The following LIPI variants were observed in gnomAD, a reference collection of about 807,000 sequenced individuals.
The protein encoded by LIPI is lipase I.
Under a neutral mutation model 50.6 loss-of-function variants are expected in LIPI, and 59 were observed. That is an observed-to-expected ratio of 1.16 (90% CI 0.94 to 1.45). The LOEUF is 1.45. Ranked by LOEUF, LIPI falls within the 40% of genes most tolerant of loss-of-function variation. The pLI is 0.00. For missense variants in LIPI, 586 were observed against 536.3 expected, an observed-to-expected ratio of 1.09 and a Z score of -0.92; for synonymous variants, 203 against 178.2, an observed-to-expected ratio of 1.14 and a Z score of -1.11.
chr21:14,166,331 T>G (rs1405511705), intron 5 of LIPI, 31 bp downstream of exon 5: 1 of 1,117,484 alleles, frequency 8.9e-7, no homozygotes, highest in Non-Finnish European at 1.4e-6. Flanking sequence ...TCGAATATTA[T>G]GTAGTTCATT....
At chr21:14,133,433 C>T (rs143856061) in intron 9 of LIPI, among the ~76,000 whole-genome samples, 19 of 152,128 alleles carry the variant, frequency 1.2e-4, no homozygotes, top group East Asian at 3.9e-4. Context: ...CATCTTTTCA[C>T]GAGAAAAATT....
At chr21:14,119,124 T>A (rs1432468194) in intron 9 of LIPI, among the ~76,000 whole-genome samples, 1 of 152,176 alleles carries the variant, frequency 6.6e-6, no homozygotes, top group Admixed American at 6.5e-5. Context: ...ATTTTTGCCT[T>A]TGATTGGGCC....
At chr21:14,143,308 T>C (rs928378592) in intron 9 of LIPI, among the ~76,000 whole-genome samples, 2 of 152,170 alleles carry the variant, frequency 1.3e-5, no homozygotes, top group Non-Finnish European at 1.5e-5. Flanking sequence ...TCAGATATTT[T>C]GGCATTTTCA....
chr21:14,181,298 A>G (rs2019260052), intron 4 of LIPI, among the ~76,000 whole-genome samples: 1 of 152,176 alleles, frequency 6.6e-6, no homozygotes. Flanking sequence ...AAAACAATAG[A>G]AAGATTATTT....
At chr21:14,185,337 C>CATTT (rs1194704841) in intron 3 of LIPI, among the ~76,000 whole-genome samples, 1 of 139,298 alleles carries the variant, frequency 7.2e-6, no homozygotes, top group Non-Finnish European at 1.6e-5. Context: ...TTAGCTAATA[C>CATTT]ATAAAGTATT....
rs35760637 is a variant in LIPI at position 14,196,126 on chromosome 21, G to GTTT, written c.47-6710_47-6708dup. 3.8e-3 allele frequency among the ~76,000 whole-genome samples: 516 copies of GTTT among 136,640 alleles called. 6 individuals are homozygous for GTTT. The highest frequency in any genetic ancestry group is 0.013 in the African/African-American group (497 of 36,984). The allele number at this position is 136,640 out of a possible 152,430, so 89.6% of individuals were successfully genotyped here. A position where few individuals can be genotyped will look rare whatever the true frequency, so the allele number is the denominator to read the frequency against. ...CTTACCACATTTACGAGTTCGTAGC[G>GTTT]TTTTTTTTTTTTACATGACACCAAA... On this transcript the variant is annotated intron_variant, in intron 1 of 9. Coordinates refer to ENST00000681601, the MANE Select transcript of LIPI (RefSeq NM_001302998.2).
chr21:14,128,141 G>A (rs997265812), intron 9 of LIPI, among the ~76,000 whole-genome samples: 2 of 151,986 alleles, frequency 1.3e-5, no homozygotes, highest in Non-Finnish European at 2.9e-5. Context: ...CACAGACACT[G>A]TGTCATATAA....
chr21:14,150,173 C>T (rs2018040388), intron 8 of LIPI, among the ~76,000 whole-genome samples: 1 of 152,140 alleles, frequency 6.6e-6, no homozygotes, highest in Admixed American at 6.5e-5. Context: ...TTGTCTTCTG[C>T]AACCTACAGA....
chr21:14,182,845 A>G (rs1305880100), intron 3 of LIPI, among the ~76,000 whole-genome samples: 1 of 152,204 alleles, frequency 6.6e-6, no homozygotes, highest in Non-Finnish European at 1.5e-5. Context: ...AAGAGGATAC[A>G]AACAAATGGA....
intron 6 of LIPI, among the ~76,000 whole-genome samples, chr21:14,164,397 A>G (rs2018603390): frequency 6.6e-6 from 1 of 152,206 alleles, no homozygotes; most frequent in South Asian, 2.1e-4. Flanking sequence ...AAAGTCTATG[A>G]GAAAAATCAA....
intron 9 of LIPI, among the ~76,000 whole-genome samples, chr21:14,140,058 G>A (rs2017647993): frequency 6.6e-6 from 1 of 152,118 alleles, no homozygotes; most frequent in African/African-American, 2.4e-5. Context: ...TTGTTGAGCA[G>A]AGGTGTGACA....
intron 2 of LIPI, among the ~76,000 whole-genome samples, chr21:14,187,796 CATATAT>C (rs2019507520): frequency 6.6e-6 from 1 of 152,078 alleles, no homozygotes; most frequent in Admixed American, 6.6e-5. Flanking sequence ...TGATTAAGCA[CATATAT>C]ATTAATTCAA....
chr21:14,190,219 T>C (rs2019625137), intron 1 of LIPI, among the ~76,000 whole-genome samples: 1 of 152,088 alleles, frequency 6.6e-6, no homozygotes, highest in Non-Finnish European at 1.5e-5. Flanking sequence ...AGAAAATAAA[T>C]AACTAAACCA....
At chr21:14,178,578 T>A (rs921616019) in intron 4 of LIPI, among the ~76,000 whole-genome samples, 5 of 152,186 alleles carry the variant, frequency 3.3e-5, no homozygotes, top group African/African-American at 4.8e-5. Flanking sequence ...ACTTACTAAT[T>A]TTTTGTTAAA....
rs752579817 is a variant in LIPI, at chr21:14,163,436, C to A, written c.989G>T (p.Gly330Val). The A allele has an allele frequency of 2.0e-6, 3 of 1,496,074 alleles. No individual in the cohort carries two copies. Among genetic ancestry groups the A allele is most frequent in the Admixed American group, 1.7e-5 (1 of 59,750 alleles). 92.7% of individuals were successfully genotyped at this position (1,496,074 alleles called of 1,614,324 possible). A position where few individuals can be genotyped will look rare whatever the true frequency, so the allele number is the denominator to read the frequency against. ...TAACTTACTACAGAATGGATATGTA[C>A]CACTTGTATCCAAAAACACAGTGGT... The part of the protein sequence containing the change: ...LRTTVFLDTS[G>V]TYPFCTYYFV... Residue 330 changes from glycine to valine, a missense_variant, in exon 7 of 10, where the codon GGT becomes GTT. Transcript: ENST00000681601.
At chr21:14,197,733 G>A (rs1013086341) in intron 1 of LIPI, among the ~76,000 whole-genome samples, 2 of 151,792 alleles carry the variant, frequency 1.3e-5, no homozygotes, top group Non-Finnish European at 2.9e-5. Flanking sequence ...CCAACCTACC[G>A]GAGAGGCCAA....
intron 1 of LIPI, among the ~76,000 whole-genome samples, chr21:14,210,209 T>C (rs1383890532): frequency 6.6e-6 from 1 of 152,046 alleles, no homozygotes; most frequent in Non-Finnish European, 1.5e-5. Context: ...CAAGTAATTC[T>C]ACTTTCTCAT....
intron 7 of LIPI, among the ~76,000 whole-genome samples, chr21:14,163,041 T>A (rs555916918): frequency 6.6e-6 from 1 of 151,458 alleles, no homozygotes; most frequent in South Asian, 2.1e-4. Context: ...TTGTCCTTTT[T>A]TATATTTATA....
chr21:14,174,791 G>A (rs1031287417), intron 4 of LIPI, among the ~76,000 whole-genome samples: 2 of 152,098 alleles, frequency 1.3e-5, no homozygotes, highest in Non-Finnish European at 2.9e-5. Context: ...CTGACCTCGT[G>A]ATCCCCCGCC....
Sources: gnomAD v4.1 joint callset for allele counts (sites outside exome capture counted in the v4.1 genomes callset) on GRCh38, gnomAD v4.1.1 for gene constraint, MANE v1.5 for transcripts, NCBI Gene and HGNC (gene_info 2026-07-23, HGNC 2026-07-21) for gene names.